ARHGAP15: variants seen among roughly 807,000 people sequenced by gnomAD.
ARHGAP15 encodes rho GTPase-activating protein 15.
Under a neutral mutation model 63.7 loss-of-function variants are expected in ARHGAP15, and 51 were observed. That is an observed-to-expected ratio of 0.80 (90% CI 0.64 to 1.01). ARHGAP15 has a LOEUF of 1.01. ARHGAP15 is among the 50% of genes least tolerant of loss of function. The pLI, the probability that ARHGAP15 is intolerant of heterozygous loss-of-function variation, is 0.00. For synonymous variants in ARHGAP15, 191 were observed against 193.8 expected (o/e 0.99, Z 0.12); for missense variants, 560 against 564.6 (o/e 0.99, Z 0.08).
intron 6 of ARHGAP15, chr2:143,435,329 T>C: frequency 9.2e-7 from 1 of 1,083,360 alleles, no homozygotes. Context: ...CCTGGCTTGT[T>C]TCTCCTTAAG....
chr2:143,435,413 C>G, intron 6 of ARHGAP15, 188 bp from the exon 7 acceptor site: 2 of 1,203,534 alleles, frequency 1.7e-6, no homozygotes, highest in South Asian at 4.4e-5. Context: ...TTTGTTATGA[C>G]GTGAAAAACA....
intron 12 of ARHGAP15, among the ~76,000 whole-genome samples, chr2:143,662,358 G>C (rs372299798): frequency 5.4e-5 from 8 of 146,802 alleles, no homozygotes; most frequent in Non-Finnish European, 1.1e-4. Flanking sequence ...TGAGGGTCCT[G>C]TCTGTTAGAA....
chr2:143,708,441 TC>T (rs1684428173), intron 13 of ARHGAP15, among the ~76,000 whole-genome samples: 3 of 152,182 alleles, frequency 2.0e-5, no homozygotes, highest in African/African-American at 7.2e-5. Flanking sequence ...CATCTCAGGA[TC>T]TTTTTCCAAA....
intron 12 of ARHGAP15, among the ~76,000 whole-genome samples, chr2:143,654,274 A>G (rs768945627): frequency 6.6e-6 from 1 of 152,194 alleles, no homozygotes; most frequent in African/African-American, 2.4e-5. Context: ...AATGCTTTAT[A>G]TTTCAAAATG....
At chr2:143,701,782 T>C (rs2105418862) in intron 12 of ARHGAP15, among the ~76,000 whole-genome samples, 1 of 150,378 alleles carries the variant, frequency 6.6e-6, no homozygotes, top group African/African-American at 2.4e-5. Context: ...GTATGACTGC[T>C]CCACAGATTC....
intron 2 of ARHGAP15, among the ~76,000 whole-genome samples, chr2:143,188,509 C>G (rs1054923209): frequency 1.3e-5 from 2 of 151,758 alleles, no homozygotes; most frequent in African/African-American, 4.8e-5. Flanking sequence ...TTGCTTAACA[C>G]ATCTTGAACT....
chr2:143,206,281 A>G (rs887199908), intron 3 of ARHGAP15, among the ~76,000 whole-genome samples: 24 of 152,078 alleles, frequency 1.6e-4, no homozygotes, highest in African/African-American at 5.8e-4. Flanking sequence ...TCGTACTTCT[A>G]CTTAGATTGC....
intron 6 of ARHGAP15, among the ~76,000 whole-genome samples, chr2:143,313,998 C>G (rs1028713870): frequency 4.0e-5 from 6 of 150,896 alleles, no homozygotes; most frequent in Admixed American, 3.3e-4. Flanking sequence ...TACATTTAGC[C>G]TCCAGCCTCC....
chr2:143,391,550 A>G (rs1687539197), intron 6 of ARHGAP15, among the ~76,000 whole-genome samples: 2 of 152,162 alleles, frequency 1.3e-5, no homozygotes, highest in South Asian at 4.1e-4. Flanking sequence ...CAAGCACTTA[A>G]CTCAATTGAT....
At chr2:143,414,900 G>C (rs1688610366) in intron 6 of ARHGAP15, among the ~76,000 whole-genome samples, 1 of 152,182 alleles carries the variant, frequency 6.6e-6, no homozygotes, top group African/African-American at 2.4e-5. Flanking sequence ...CTGCACTCCA[G>C]CCCGGGCAAC....
At chr2:143,441,182 G>A (rs1410084954) in intron 8 of ARHGAP15, among the ~76,000 whole-genome samples, 1 of 152,080 alleles carries the variant, frequency 6.6e-6, no homozygotes, top group African/African-American at 2.4e-5. Flanking sequence ...AAAGACTGGA[G>A]CAGGGCATAT....
intron 9 of ARHGAP15, among the ~76,000 whole-genome samples, chr2:143,508,612 C>T (rs372414603): frequency 3.3e-5 from 5 of 152,208 alleles, no homozygotes; most frequent in South Asian, 4.1e-4. Context: ...TGTGTGCTGA[C>T]GTACATGTGT....
intron 6 of ARHGAP15, among the ~76,000 whole-genome samples, chr2:143,354,010 A>G (rs1481732606): frequency 1.1e-5 from 1 of 92,938 alleles, no homozygotes; most frequent in Non-Finnish European, 2.1e-5. Context: ...TTTTTCTTCA[A>G]ACAAGAACCT....
At chr2:143,680,328 T>C (rs951440804) in intron 12 of ARHGAP15, among the ~76,000 whole-genome samples, 5 of 152,242 alleles carry the variant, frequency 3.3e-5, no homozygotes, top group Non-Finnish European at 7.3e-5. Flanking sequence ...AGCAATTTTA[T>C]ACAATAATGT....
intron 1 of ARHGAP15, among the ~76,000 whole-genome samples, chr2:143,147,163 G>C (rs1314097624): frequency 2.0e-5 from 3 of 151,992 alleles, no homozygotes; most frequent in Non-Finnish European, 1.5e-5. Context: ...TTTTGCACTT[G>C]ATACTCTCCC....
At chr2:143,242,040 C>T (rs1693882249) in intron 5 of ARHGAP15, among the ~76,000 whole-genome samples, 1 of 152,188 alleles carries the variant, frequency 6.6e-6, no homozygotes, top group Non-Finnish European at 1.5e-5. Flanking sequence ...TGCACTTTTC[C>T]CATTTCCTGC....
chr2:143,594,196 A>G lies in ARHGAP15; in HGVS notation c.1004-29937A>G, dbSNP rs560782351. ...ATATCTTCTCAATGTAACTCCAGAC[A>G]TTAAATCTGTCGAGAGGAATGCTGT... is the stretch of plus-strand genomic sequence containing the variant. On this transcript the variant is annotated intron_variant, in intron 11 of 13. Transcript: ENST00000295095. 1.2e-3 allele frequency among the ~76,000 whole-genome samples: 179 copies of G among 152,336 alleles called. 1 individual carries two copies. Among genetic ancestry groups the G allele is most frequent in the African/African-American group, 3.4e-3 (141 of 41,582 alleles).
intron 6 of ARHGAP15, among the ~76,000 whole-genome samples, chr2:143,281,283 T>A (rs556787136): frequency 7.2e-5 from 11 of 152,224 alleles, no homozygotes; most frequent in African/African-American, 2.6e-4. Context: ...ACATCAAATA[T>A]ATACATAGGA....
intron 12 of ARHGAP15, among the ~76,000 whole-genome samples, chr2:143,649,176 T>C (rs2105294252): frequency 6.6e-6 from 1 of 151,924 alleles, no homozygotes; most frequent in East Asian, 1.9e-4. Context: ...TCATTCATCA[T>C]CATCATCATC....
Sources: gnomAD v4.1 joint callset for allele counts (sites outside exome capture counted in the v4.1 genomes callset) on GRCh38, gnomAD v4.1.1 for gene constraint, MANE v1.5 for transcripts, NCBI Gene and HGNC (gene_info 2026-07-23, HGNC 2026-07-21) for gene names.